PGAP1: variants seen among roughly 807,000 people sequenced by gnomAD.
PGAP1 encodes GPI inositol-deacylase.
In PGAP1, 76 loss-of-function variants were observed where a neutral mutation model predicts 127.0. That is an observed-to-expected ratio of 0.60 (90% CI 0.50 to 0.72). The LOEUF is 0.72. Among genes scored for constraint, PGAP1 ranks in the 30% least tolerant of loss-of-function variants. The pLI, the probability that PGAP1 is intolerant of heterozygous loss-of-function variation, is 0.00. For missense variants in PGAP1, 982 were observed against 1,071.3 expected, an observed-to-expected ratio of 0.92 and a Z score of 1.16; for synonymous variants, 362 against 366.5, an observed-to-expected ratio of 0.99 and a Z score of 0.14.
intron 2 of PGAP1, 113 bp from the exon 3 acceptor site, chr2:196,916,706 C>G (rs546587985): frequency 1.9e-6 from 2 of 1,057,318 alleles, no homozygotes; most frequent in Non-Finnish European, 2.5e-6. Context: ...TATAAACCAC[C>G]TATTTCAGGA....
chr2:196,919,259 T>C (rs1358860863), intron 2 of PGAP1, among the ~76,000 whole-genome samples: 1 of 152,216 alleles, frequency 6.6e-6, no homozygotes, highest in African/African-American at 2.4e-5. Context: ...AGAGGGACTT[T>C]GTCTTGATAT....
intron 13 of PGAP1, among the ~76,000 whole-genome samples, chr2:196,878,308 ACTTAGT>A (rs1701626693): frequency 6.6e-6 from 1 of 152,110 alleles, no homozygotes; most frequent in Non-Finnish European, 1.5e-5. Context: ...TATCTTACAC[ACTTAGT>A]CTTAAGGTAA....
chr2:196,869,279 T>C (rs1701337214), intron 19 of PGAP1, among the ~76,000 whole-genome samples: 1 of 152,210 alleles, frequency 6.6e-6, no homozygotes, highest in Non-Finnish European at 1.5e-5. Context: ...TTTACAGTAA[T>C]ATGCCCTTTC....
At chr2:196,893,289 G>C (rs1267947012) in intron 7 of PGAP1, 44 bp from the exon 8 acceptor site, 1 of 1,052,112 alleles carries the variant, frequency 9.5e-7, no homozygotes, top group Non-Finnish European at 1.4e-6. Context: ...TGTATCTATT[G>C]TAATAGCTTG....
intron 5 of PGAP1, among the ~76,000 whole-genome samples, chr2:196,899,810 G>C (rs972425578): frequency 7.2e-5 from 11 of 152,212 alleles, no homozygotes; most frequent in Admixed American, 6.5e-4. Context: ...GAGGCGGGTG[G>C]ATCACCTGAG....
At chr2:196,859,243 C>G (rs1034253695) in intron 20 of PGAP1, among the ~76,000 whole-genome samples, 6 of 152,162 alleles carry the variant, frequency 3.9e-5, no homozygotes, top group African/African-American at 1.4e-4. Flanking sequence ...ACAAGAATCA[C>G]TTGAACCTGG....
intron 7 of PGAP1, among the ~76,000 whole-genome samples, chr2:196,894,933 ACT>A (rs1327901815): frequency 1.3e-5 from 2 of 151,974 alleles, no homozygotes; most frequent in East Asian, 1.9e-4. Context: ...ACTAGAAATT[ACT>A]CTGATTCCTG....
chr2:196,916,349 T>C (rs369974898), intron 3 of PGAP1, 69 bp downstream of exon 3: 7 of 1,366,090 alleles, frequency 5.1e-6, no homozygotes, highest in Non-Finnish European at 5.8e-6. Flanking sequence ...ATTTAAAGTA[T>C]ACTGAATCCC....
At chr2:196,845,856 A>G (rs1295505294) in intron 23 of PGAP1, 26 bp downstream of exon 23, 2 of 1,575,608 alleles carry the variant, frequency 1.3e-6, no homozygotes, top group South Asian at 1.2e-5. Flanking sequence ...AAGCTCAATC[A>G]TTTTGGCTTT....
chr2:196,836,747 G>T lies in PGAP1; in HGVS notation c.*4487C>A, dbSNP rs1299584478. 6.6e-6 allele frequency: 1 copy of T among 152,118 alleles called. No homozygotes were observed. Among genetic ancestry groups the T allele is most frequent in the East Asian group, 1.9e-4 (1 of 5,196 alleles). 9.4% of individuals were successfully genotyped at this position (152,118 alleles called of 1,614,324 possible). A position where few individuals can be genotyped will look rare whatever the true frequency, so the allele number is the denominator to read the frequency against. Reference sequence around the variant, plus strand: ...CTAATCAACTTACTATGCTGTAAAAGTCCCTTCTACATTTACCTTACTAGG... The same window carrying T: ...CTAATCAACTTACTATGCTGTAAAATTCCCTTCTACATTTACCTTACTAGG... On this transcript the variant is annotated 3_prime_UTR_variant, in exon 27 of 27. Coordinates refer to ENST00000354764, the MANE Select transcript of PGAP1 (RefSeq NM_024989.4).
At chr2:196,926,300 G>A (rs181305288) in intron 1 of PGAP1, among the ~76,000 whole-genome samples, 170 bp downstream of exon 1, 2 of 151,808 alleles carry the variant, frequency 1.3e-5, no homozygotes, top group East Asian at 1.9e-4. Flanking sequence ...GGGAGGTGAG[G>A]GGGGCAGAAG....
At chr2:196,865,976 C>G (rs942297298) in intron 19 of PGAP1, among the ~76,000 whole-genome samples, 1 of 151,956 alleles carries the variant, frequency 6.6e-6, no homozygotes, top group Non-Finnish European at 1.5e-5. Flanking sequence ...TAAGAGAGGA[C>G]ACAAATAAAT....
intron 20 of PGAP1, among the ~76,000 whole-genome samples, chr2:196,860,889 G>A (rs1459206465): frequency 6.6e-6 from 1 of 152,038 alleles, no homozygotes; most frequent in Admixed American, 6.6e-5. Flanking sequence ...AAAAAGTCCT[G>A]AGCAAAAAGA....
intron 20 of PGAP1, among the ~76,000 whole-genome samples, chr2:196,863,605 G>A (rs1411942788): frequency 1.3e-5 from 2 of 152,066 alleles, no homozygotes; most frequent in African/African-American, 4.8e-5. Context: ...AATGGTTAAT[G>A]GGTATAAAAA....
At chr2:196,882,433 C>A (rs546695610) in intron 12 of PGAP1, among the ~76,000 whole-genome samples, 1 of 152,304 alleles carries the variant, frequency 6.6e-6, no homozygotes, top group South Asian at 2.1e-4. Flanking sequence ...CTATAAATTG[C>A]TTTGGACAGT....
chr2:196,922,403 A>G, intron 1 of PGAP1: 1 of 984,958 alleles, frequency 1.0e-6, no homozygotes, highest in South Asian at 4.7e-5. Flanking sequence ...AGTTCTCACA[A>G]AGAGGTCTCA....
intron 1 of PGAP1, among the ~76,000 whole-genome samples, chr2:196,923,220 C>T (rs373821611): frequency 2.0e-5 from 3 of 152,072 alleles, no homozygotes; most frequent in East Asian, 3.8e-4. Flanking sequence ...TTAGTTTTAA[C>T]ATAAATGATA....
At chr2:196,849,204 A>G (rs1458316141) in intron 20 of PGAP1, among the ~76,000 whole-genome samples, 4 of 152,018 alleles carry the variant, frequency 2.6e-5, no homozygotes, top group Non-Finnish European at 4.4e-5. Flanking sequence ...GACTTTCAAA[A>G]CAAGATAGAC....
At chr2:196,852,709 A>T (rs1700759558) in intron 20 of PGAP1, among the ~76,000 whole-genome samples, 1 of 152,136 alleles carries the variant, frequency 6.6e-6, no homozygotes, top group Non-Finnish European at 1.5e-5. Flanking sequence ...GATGTGAATA[A>T]AGTTATGGGT....
Sources: gnomAD v4.1 joint callset for allele counts (sites outside exome capture counted in the v4.1 genomes callset) on GRCh38, gnomAD v4.1.1 for gene constraint, MANE v1.5 for transcripts, NCBI Gene and HGNC (gene_info 2026-07-23, HGNC 2026-07-21) for gene names.